Variants in MYL6B observed in about 807,000 individuals in gnomAD.
The protein encoded by MYL6B is myosin alkali light chain 1 slow a.
A neutral mutation model predicts 24.5 loss-of-function variants in MYL6B; 19 were observed. The observed-to-expected ratio is 0.78, with a 90% CI of 0.54 to 1.14. The LOEUF (loss-of-function observed/expected upper bound fraction) is 1.14, where lower values mean the gene tolerates loss of function less well. MYL6B is among the 50% of genes most tolerant of loss of function. MYL6B has a pLI of 0.00. For missense variants in MYL6B, 230 were observed against 263.8 expected (o/e 0.87, Z 0.89); for synonymous variants, 90 against 100.7 (o/e 0.89, Z 0.64).
chr12:56,156,848 C>G (rs1183703528), intron 5 of MYL6B: 2 of 151,268 alleles, frequency 1.3e-5, no homozygotes, highest in Non-Finnish European at 2.9e-5. Context: ...CTCAGGAGTT[C>G]GAGACCAGCC....
intron 1 of MYL6B, among the ~76,000 whole-genome samples, chr12:56,152,961 G>A (rs1310374127): frequency 2.0e-5 from 3 of 151,970 alleles, no homozygotes; most frequent in Non-Finnish European, 4.4e-5. Context: ...TTGTGACCTG[G>A]CCCCTGAGTC....
At chr12:56,153,437 G>A (rs981906434) in intron 1 of MYL6B, 1 of 985,964 alleles carries the variant, frequency 1.0e-6, no homozygotes, top group Non-Finnish European at 1.2e-6. Context: ...GGGCAGATGG[G>A]CTTCTTGTTT....
At chr12:56,152,985 T>C (rs1323453875) in intron 1 of MYL6B, among the ~76,000 whole-genome samples, 1 of 152,076 alleles carries the variant, frequency 6.6e-6, no homozygotes, top group Non-Finnish European at 1.5e-5. Flanking sequence ...ATTTTTATTA[T>C]ACCCCTGGTT....
intron 5 of MYL6B, 144 bp from the exon 6 acceptor site, chr12:56,157,324 C>G: frequency 1.4e-6 from 1 of 692,654 alleles, no homozygotes; most frequent in Non-Finnish European, 2.4e-6. Context: ...GCGGAGGTTG[C>G]AGTGAGCCGA....
At chr12:56,153,523 C>A in intron 1 of MYL6B, 1 of 974,822 alleles carries the variant, frequency 1.0e-6, no homozygotes, top group Non-Finnish European at 1.2e-6. Context: ...CCTCACCCCA[C>A]CCTTCAAGAA....
At chr12:56,152,813 A>G (rs1022792174) in intron 1 of MYL6B, among the ~76,000 whole-genome samples, 182 bp downstream of exon 1, 3 of 151,964 alleles carry the variant, frequency 2.0e-5, no homozygotes, top group African/African-American at 7.3e-5. Flanking sequence ...CCGGGGCCTA[A>G]GTGGAATCAC....
intron 1 of MYL6B, among the ~76,000 whole-genome samples, 197 bp downstream of exon 1, chr12:56,152,828 A>G (rs759862375): frequency 5.3e-5 from 8 of 152,162 alleles, no homozygotes; most frequent in African/African-American, 1.2e-4. Context: ...AATCACTGCT[A>G]TCTTCCTCAG....
chr12:56,157,856 T>C (rs1871403125), exon 7 of MYL6B: 3 of 1,181,870 alleles, frequency 2.5e-6, no homozygotes. Context: ...GCTCCAGCGC[T>C]TCGCAACTTT....
chr12:56,153,894 C>A, exon 2 of MYL6B: 1 of 1,594,096 alleles, frequency 6.3e-7, no homozygotes, highest in Middle Eastern at 1.7e-4. Flanking sequence ...CCCATCCGCA[C>A]ACTGTCCTTT....
intron 1 of MYL6B, among the ~76,000 whole-genome samples, chr12:56,153,240 TGGGCACA>T (rs1871174545): frequency 6.6e-6 from 1 of 152,046 alleles, no homozygotes; most frequent in African/African-American, 2.4e-5. Flanking sequence ...AAAACAACAC[TGGGCACA>T]GGAGACAATG....
chr12:56,155,868 G>A (rs1310078394), intron 5 of MYL6B: 1 of 1,327,502 alleles, frequency 7.5e-7, no homozygotes, highest in Non-Finnish European at 9.7e-7. Flanking sequence ...TCTGGTACAA[G>A]TCTCGTAACC....
exon 5 of MYL6B, chr12:56,155,565 G>A (rs1272934575): frequency 1.2e-6 from 2 of 1,613,762 alleles, no homozygotes; most frequent in Non-Finnish European, 1.7e-6. Flanking sequence ...CATGGGAGCA[G>A]AGCTCAGACA....
At chr12:56,157,802 T>C (rs1320902466) in exon 7 of MYL6B, 7 of 1,559,638 alleles carry the variant, frequency 4.5e-6, no homozygotes, top group Non-Finnish European at 6.1e-6. Flanking sequence ...TCAGCCAACA[T>C]AGAAAAGCAG....
At chr12:56,152,681 G>A (rs899367598) in intron 1 of MYL6B, 50 bp downstream of exon 1, 4 of 66,604 alleles carry the variant, frequency 6.0e-5, no homozygotes, top group African/African-American at 2.1e-4. Context: ...ATTTAGTGGG[G>A]GTGCGTGAGT....
chr12:56,154,108 G>C lies in MYL6B; in HGVS notation c.174+16G>C. 1 of 1,605,638 alleles carries C rather than the reference G, an allele frequency of 6.2e-7. No individual in the cohort carries two copies. On this transcript the variant is annotated intron_variant, in intron 2 of 6. Transcript: ENST00000553066. ...CAAAGTGGTGGTGAGTCTCTGGAAA[G>C]TGAAGATAGAATTGGAGGGGGTGGT...
intron 5 of MYL6B, among the ~76,000 whole-genome samples, chr12:56,156,630 G>A (rs1199143194): frequency 6.6e-6 from 1 of 151,864 alleles, no homozygotes; most frequent in African/African-American, 2.4e-5. Context: ...GCATGGGCTG[G>A]CCGGGAGCAG....
intron 1 of MYL6B, chr12:56,153,593 A>G (rs373325201): frequency 7.9e-6 from 4 of 506,374 alleles, no homozygotes; most frequent in South Asian, 1.7e-4. Flanking sequence ...GCCACTGGCA[A>G]GCATCCTATC....
At position 56,157,442 on chromosome 12, in the gene MYL6B, C is replaced by T. The variant is rs1255098344; in HGVS notation, c.521-26C>T. 4 of 1,605,638 alleles carry T rather than the reference C, an allele frequency of 2.5e-6. No homozygotes were observed. The East Asian group carries it at 6.7e-5, about 27-fold the overall frequency. ...GGTGAGTGAAGGAGGGAAAGGAGGG[C>T]CTCAGACGTTGTGTCTGGGATTCAG... is the stretch of plus-strand genomic sequence containing the variant. On this transcript the variant is annotated intron_variant, in intron 5 of 6. Transcript: ENST00000553066.
At chr12:56,153,700 A>G in intron 1 of MYL6B, 173 bp from the exon 2 acceptor site, 1 of 491,890 alleles carries the variant, frequency 2.0e-6, no homozygotes. Flanking sequence ...GCCTTTGGGG[A>G]TAAGGGGACA....
Sources: gnomAD v4.1 joint callset for allele counts (sites outside exome capture counted in the v4.1 genomes callset) on GRCh38, gnomAD v4.1.1 for gene constraint, MANE v1.5 for transcripts, NCBI Gene and HGNC (gene_info 2026-07-23, HGNC 2026-07-21) for gene names.